The following NCKAP1 variants were observed in gnomAD, a reference collection of about 807,000 sequenced individuals.
NCKAP1 encodes nck-associated protein 1.
In NCKAP1, 21 loss-of-function variants were observed where a neutral mutation model predicts 151.2. The observed-to-expected ratio is 0.14, with a 90% CI of 0.10 to 0.20. The LOEUF (loss-of-function observed/expected upper bound fraction) is 0.20, where lower values mean the gene tolerates loss of function less well. Among genes scored for constraint, NCKAP1 ranks in the 10% least tolerant of loss-of-function variants. The pLI is 1.00. For synonymous variants in NCKAP1, 484 were observed against 451.8 expected (o/e 1.07, Z -0.90); for missense variants, 933 against 1,352.1 (o/e 0.69, Z 4.86).
At chr2:182,960,575 G>A (rs1364397841) in intron 18 of NCKAP1, among the ~76,000 whole-genome samples, 2 of 151,994 alleles carry the variant, frequency 1.3e-5, no homozygotes, top group African/African-American at 4.8e-5. Flanking sequence ...TTATACAAAA[G>A]TTAATTCAAG....
Position 182,918,103 on chromosome 2 carries a change from C to T in NCKAP1, c.*7599G>A, listed in dbSNP as rs1696494721. ...ACTCAGTAATTTTATGACACTGGGG[C>T]AAGGAATTTAAAGTTTTATGAGCTG... is the stretch of plus-strand genomic sequence containing the variant. On this transcript the variant is annotated 3_prime_UTR_variant, in exon 31 of 31. Coordinates refer to ENST00000361354, the MANE Select transcript of NCKAP1 (RefSeq NM_013436.5). The T allele has an allele frequency of 6.6e-6, 1 of 152,068 alleles. No homozygotes were observed. The highest frequency in any genetic ancestry group is 6.6e-5 in the Admixed American group (1 of 15,260). The allele number at this position is 152,068 out of a possible 1,614,324, so 9.4% of individuals were successfully genotyped here. A position where few individuals can be genotyped will look rare whatever the true frequency, so the allele number is the denominator to read the frequency against.
At chr2:182,927,066 C>T (rs1696663334) in intron 29 of NCKAP1, 161 bp from the exon 30 acceptor site, 1 of 513,856 alleles carries the variant, frequency 1.9e-6, no homozygotes, top group Admixed American at 4.1e-5. Flanking sequence ...TACATTCAAG[C>T]AGTAATTTAG....
At chr2:182,984,030 CAA>C (rs778537830) in intron 10 of NCKAP1, among the ~76,000 whole-genome samples, 8 of 115,456 alleles carry the variant, frequency 6.9e-5, no homozygotes, top group African/African-American at 9.7e-5. Context: ...GACTCCACCT[CAA>C]AAAAAAAAAA....
At position 182,967,923 on chromosome 2, in the gene NCKAP1, T is replaced by A. The variant is rs557676861; in HGVS notation, c.1483-562A>T. ...TTAAGATAGGTTGTGGGGAAAAAAA[T>A]TCTACAACTGGGATACCAAATCACA... On this transcript the variant is annotated intron_variant, in intron 15 of 30. Transcript: ENST00000361354. Among the ~76,000 whole-genome samples, 12 of 152,082 alleles carry A rather than the reference T, an allele frequency of 7.9e-5. No individual in the cohort carries two copies. In the South Asian group the frequency reaches 1.9e-3, roughly 24 times the overall value.
At chr2:182,994,909 T>C (rs767527816) in intron 7 of NCKAP1, 22 bp from the exon 8 acceptor site, 2 of 1,574,754 alleles carry the variant, frequency 1.3e-6, no homozygotes, top group East Asian at 2.3e-5. Context: ...AATATATACA[T>C]TTGCAGTTAA....
intron 23 of NCKAP1, among the ~76,000 whole-genome samples, chr2:182,945,799 C>T (rs762101781): frequency 1.3e-5 from 2 of 152,210 alleles, no homozygotes; most frequent in Non-Finnish European, 2.9e-5. Context: ...AATCTCATTA[C>T]TGGGTATATA....
At chr2:182,998,957 C>A (rs1184304953) in intron 6 of NCKAP1, among the ~76,000 whole-genome samples, 13 of 151,000 alleles carry the variant, frequency 8.6e-5, no homozygotes, top group Non-Finnish European at 2.9e-5. Flanking sequence ...GGAGGTGAAA[C>A]CTCTCTAAGA....
At chr2:183,006,178 G>T (rs1698469262) in intron 2 of NCKAP1, among the ~76,000 whole-genome samples, 1 of 152,136 alleles carries the variant, frequency 6.6e-6, no homozygotes, top group Non-Finnish European at 1.5e-5. Context: ...GATATGTTTT[G>T]GTAGGTGATG....
At chr2:182,968,024 T>A (rs994572444) in intron 15 of NCKAP1, among the ~76,000 whole-genome samples, 2 of 152,154 alleles carry the variant, frequency 1.3e-5, no homozygotes, top group Admixed American at 1.3e-4. Flanking sequence ...GCCTACAGAA[T>A]AAGTACTGTT....
At position 182,967,254 on chromosome 2, in the gene NCKAP1, C is replaced by T; in HGVS notation, c.1590G>A (p.Val530=). 6.2e-7 allele frequency: 1 copy of T among 1,610,790 alleles called. No homozygotes were observed. The highest frequency in any genetic ancestry group is 8.5e-7 in the Non-Finnish European group (1 of 1,178,964). ...GATCTGATGTTTCCACCAACATTTCCACCAAGGAATCTACCATTTTTGTAT... is the reference window on the plus strand; with the variant it reads ...GATCTGATGTTTCCACCAACATTTCTACCAAGGAATCTACCATTTTTGTAT... ...IFHTKMVDSL[V]EMLVETSDLS... is the part of the protein sequence containing the mutation. Residue 530 remains valine (V), a synonymous_variant, in exon 16 of 31, where the codon GTG becomes GTA. Transcript: ENST00000361354.
At chr2:182,953,712 C>T (rs1191399819) in intron 20 of NCKAP1, among the ~76,000 whole-genome samples, 3 of 151,898 alleles carry the variant, frequency 2.0e-5, no homozygotes, top group African/African-American at 7.3e-5. Context: ...ACAGGAGAAT[C>T]GCTTGAACCC....
At chr2:182,980,977 G>A (rs1697925734) in intron 13 of NCKAP1, among the ~76,000 whole-genome samples, 1 of 152,060 alleles carries the variant, frequency 6.6e-6, no homozygotes, top group Admixed American at 6.6e-5. Flanking sequence ...TCTGTAATTT[G>A]GTTAGCGTAC....
chr2:182,931,507 C>A (rs2105800926), intron 26 of NCKAP1, among the ~76,000 whole-genome samples: 1 of 152,166 alleles, frequency 6.6e-6, no homozygotes. Flanking sequence ...ACTCACTTCA[C>A]ACACAAAAAT....
intron 1 of NCKAP1, among the ~76,000 whole-genome samples, chr2:183,024,124 A>G (rs1367739973): frequency 6.6e-6 from 1 of 152,078 alleles, no homozygotes; most frequent in Non-Finnish European, 1.5e-5. Context: ...AAATGCATGG[A>G]AAGTTTCGAA....
chr2:182,935,209 T>G (rs1308021174), intron 25 of NCKAP1, 84 bp downstream of exon 25: 2 of 936,464 alleles, frequency 2.1e-6, no homozygotes, highest in East Asian at 5.4e-5. Flanking sequence ...TTGCTAAGCA[T>G]GAATCTGAAA....
chr2:183,003,059 T>G, intron 3 of NCKAP1, 29 bp from the exon 4 acceptor site: 1 of 1,573,468 alleles, frequency 6.4e-7, no homozygotes, highest in Non-Finnish European at 8.7e-7. Context: ...TTTAATCTTT[T>G]ATCTGTATAA....
At chr2:182,957,687 G>A (rs1346763080) in intron 18 of NCKAP1, 91 bp from the exon 19 acceptor site, 2 of 1,332,528 alleles carry the variant, frequency 1.5e-6, no homozygotes, top group Non-Finnish European at 2.1e-6. Flanking sequence ...AATCCAGGCT[G>A]TGTTGCAAAT....
intron 26 of NCKAP1, among the ~76,000 whole-genome samples, chr2:182,931,987 G>C (rs1333249088): frequency 2.0e-5 from 3 of 152,106 alleles, no homozygotes; most frequent in Non-Finnish European, 2.9e-5. Flanking sequence ...TATTAGTGAA[G>C]ATGCAGAAAA....
rs1347201616 is a variant in NCKAP1, at chr2:182,921,799, T to G, written c.*3903A>C. 1.3e-5 allele frequency: 2 copies of G among 150,982 alleles called. No individual in the cohort carries two copies. Among genetic ancestry groups the G allele is most frequent in the Non-Finnish European group, 3.0e-5 (2 of 67,640 alleles). 9.4% of individuals were successfully genotyped at this position (150,982 alleles called of 1,614,324 possible). On this transcript the variant is annotated 3_prime_UTR_variant, in exon 31 of 31. Coordinates refer to ENST00000361354, the MANE Select transcript of NCKAP1 (RefSeq NM_013436.5). The stretch of plus-strand genomic sequence containing the variant: ...CGATGTGTAGGGAAAGTTTGGTTCA[T>G]GCAAAAATGAATGAAATTTTAATAC...
Sources: gnomAD v4.1 joint callset for allele counts (sites outside exome capture counted in the v4.1 genomes callset) on GRCh38, gnomAD v4.1.1 for gene constraint, MANE v1.5 for transcripts, NCBI Gene and HGNC (gene_info 2026-07-23, HGNC 2026-07-21) for gene names.